The following COL19A1 variants were observed in gnomAD, a reference collection of about 807,000 sequenced individuals.
The protein encoded by COL19A1 is collagen alpha-1(XIX) chain.
A neutral mutation model predicts 190.2 loss-of-function variants in COL19A1; 159 were observed. That is an observed-to-expected ratio of 0.84 (90% CI 0.73 to 0.95). COL19A1 has a LOEUF of 0.95. Among genes scored for constraint, COL19A1 ranks in the 40% least tolerant of loss-of-function variants. COL19A1 has a pLI of 0.00. For missense variants in COL19A1, 1,418 were observed against 1,431.9 expected, an observed-to-expected ratio of 0.99 and a Z score of 0.16; for synonymous variants, 509 against 458.9, an observed-to-expected ratio of 1.11 and a Z score of -1.39.
At chr6:70,181,399 A>G (rs754820247) in intron 44 of COL19A1, among the ~76,000 whole-genome samples, 27 of 152,292 alleles carry the variant, frequency 1.8e-4, no homozygotes, top group Middle Eastern at 3.4e-3. Flanking sequence ...GCCATGACAT[A>G]TGGAAAGCAT....
At chr6:70,104,878 G>C (rs922057662) in intron 16 of COL19A1, among the ~76,000 whole-genome samples, 3 of 152,080 alleles carry the variant, frequency 2.0e-5, no homozygotes, top group African/African-American at 7.2e-5. Flanking sequence ...GGATTACACC[G>C]AATTCTGGAA....
At chr6:70,109,601 T>A (rs944967159) in intron 16 of COL19A1, among the ~76,000 whole-genome samples, 1 of 151,728 alleles carries the variant, frequency 6.6e-6, no homozygotes, top group African/African-American at 2.4e-5. Flanking sequence ...GCGGTTTGAT[T>A]TTTTTATGTG....
At chr6:69,879,388 T>C (rs1768351108) in intron 1 of COL19A1, 148 bp from the exon 2 acceptor site, 1 of 587,378 alleles carries the variant, frequency 1.7e-6, no homozygotes, top group Non-Finnish European at 3.0e-6. Context: ...TATATTGAGA[T>C]ACACCATTGC....
At position 70,151,397 on chromosome 6, in the gene COL19A1, A is replaced by T. The variant is rs753651095; in HGVS notation, c.2038A>T (p.Ile680Phe). The T allele has an allele frequency of 6.2e-7, 1 of 1,612,552 alleles. No homozygotes were observed. The highest frequency in any genetic ancestry group is 8.5e-7 in the Non-Finnish European group (1 of 1,179,022). The change falls in exon 31 of 51, where the codon ATT becomes TTT. Residue 680 changes from isoleucine (I) to phenylalanine (F), a missense_variant and splice_region_variant. Coordinates refer to ENST00000620364, the MANE Select transcript of COL19A1 (RefSeq NM_001858.6). ...TTTGGTTTTATCTTCTTAACCACAG[A>T]TTGCACTTCCTCTCTTGGGAGACAT... ...PGLPGPPGDP[I>F]ALPLLGDIGA...
chr6:69,869,750 A>G (rs1334551814), intron 1 of COL19A1, among the ~76,000 whole-genome samples: 1 of 152,236 alleles, frequency 6.6e-6, no homozygotes, highest in Non-Finnish European at 1.5e-5. Flanking sequence ...GAAACAAATC[A>G]TAGTTCAGAG....
intron 31 of COL19A1, among the ~76,000 whole-genome samples, chr6:70,153,693 T>G (rs1184977181): frequency 2.6e-5 from 4 of 152,192 alleles, no homozygotes; most frequent in Non-Finnish European, 5.9e-5. Context: ...TGTTTGTGTC[T>G]GCAGATAATT....
intron 31 of COL19A1, among the ~76,000 whole-genome samples, chr6:70,155,898 A>G (rs1453548902): frequency 6.6e-6 from 1 of 152,186 alleles, no homozygotes; most frequent in African/African-American, 2.4e-5. Flanking sequence ...TTTTAAAAAT[A>G]AAAGTTCATC....
intron 12 of COL19A1, among the ~76,000 whole-genome samples, chr6:70,029,105 A>C (rs1009655088): frequency 4.6e-5 from 7 of 152,290 alleles, no homozygotes; most frequent in African/African-American, 1.4e-4. Flanking sequence ...ACTAGAGGAT[A>C]CAAAAATATT....
intron 11 of COL19A1, among the ~76,000 whole-genome samples, chr6:70,008,284 G>C (rs1349122029): frequency 6.6e-6 from 1 of 151,240 alleles, no homozygotes. Context: ...CAAAATTGGT[G>C]AACTTCTAGC....
At chr6:70,025,276 C>T (rs1330642381) in intron 12 of COL19A1, among the ~76,000 whole-genome samples, 20 of 152,248 alleles carry the variant, frequency 1.3e-4, no homozygotes, top group East Asian at 3.9e-4. Flanking sequence ...GTGATCCGCC[C>T]GCGTCGGCCT....
chr6:70,099,832 C>G (rs531354410), intron 15 of COL19A1, among the ~76,000 whole-genome samples: 1 of 152,320 alleles, frequency 6.6e-6, no homozygotes, highest in African/African-American at 2.4e-5. Flanking sequence ...TCGGCAAAAT[C>G]AGCCTTCTCT....
At chr6:70,189,600 T>C (rs1766730513) in intron 47 of COL19A1, among the ~76,000 whole-genome samples, 1 of 152,184 alleles carries the variant, frequency 6.6e-6, no homozygotes, top group South Asian at 2.1e-4. Context: ...TTTAAAAATA[T>C]CAAGGCACTA....
At chr6:70,193,598 G>T (rs1253135643) in intron 48 of COL19A1, among the ~76,000 whole-genome samples, 1 of 152,160 alleles carries the variant, frequency 6.6e-6, no homozygotes, top group East Asian at 1.9e-4. Flanking sequence ...AACCACAGGT[G>T]TCTTAGCCTT....
At chr6:70,200,937 T>C (rs1472744204) in intron 49 of COL19A1, among the ~76,000 whole-genome samples, 1 of 152,178 alleles carries the variant, frequency 6.6e-6, no homozygotes, top group African/African-American at 2.4e-5. Flanking sequence ...TATCTTTAGA[T>C]TATAGTGAAG....
intron 14 of COL19A1, among the ~76,000 whole-genome samples, chr6:70,044,365 T>C (rs1376728918): frequency 2.0e-5 from 3 of 152,218 alleles, no homozygotes; most frequent in Non-Finnish European, 4.4e-5. Flanking sequence ...AGTTTTTCTT[T>C]GCATTCACAA....
At chr6:70,184,761 TAA>T (rs1562253074) in intron 45 of COL19A1, 23 bp downstream of exon 45, 1 of 1,603,530 alleles carries the variant, frequency 6.2e-7, no homozygotes, top group Non-Finnish European at 8.5e-7. Flanking sequence ...TGATTTAAAA[TAA>T]AAGTTATAAT....
At chr6:70,054,628 T>C (rs1780390864) in intron 14 of COL19A1, among the ~76,000 whole-genome samples, 2 of 152,230 alleles carry the variant, frequency 1.3e-5, no homozygotes, top group South Asian at 4.1e-4. Context: ...GTAGTACTTT[T>C]CAAGTAAATT....
At chr6:70,059,972 T>A (rs548232470) in intron 14 of COL19A1, among the ~76,000 whole-genome samples, 16 of 152,270 alleles carry the variant, frequency 1.1e-4, no homozygotes, top group Admixed American at 6.6e-4. Context: ...TGTACAAAGA[T>A]AATTAAGACT....
Position 69,900,294 on chromosome 6 carries a change from A to C in COL19A1, c.222A>C (p.Lys74Asn), listed in dbSNP as rs1229621328. ...GACGTGCATTTTGTGAAAGTGATAAAACCTGTTTCAAATTGGGAAGTGCAC... is the reference window on the plus strand; with the variant it reads ...GACGTGCATTTTGTGAAAGTGATAACACCTGTTTCAAATTGGGAAGTGCAC... ...SLRRAFCESDKTCFKLGSALL... is the reference protein window; with the variant it reads ...SLRRAFCESDNTCFKLGSALL... The change falls in exon 4 of 51, where the codon AAA becomes AAC. Residue 74 changes from lysine (K) to asparagine (N), a missense_variant. Physicochemically the swap from Lys to Asn is moderately conservative, Grantham distance 94. Transcript: ENST00000620364. The C allele has an allele frequency of 3.1e-6, 5 of 1,595,144 alleles. No homozygotes were observed. Among genetic ancestry groups the C allele is most frequent in the Non-Finnish European group, 4.3e-6 (5 of 1,170,490 alleles).
Sources: allele counts gnomAD v4.1 joint callset (sites outside exome capture counted in the v4.1 genomes callset), GRCh38; gene constraint gnomAD v4.1.1; transcripts MANE v1.5; gene names NCBI Gene and HGNC (gene_info 2026-07-23, HGNC 2026-07-21).